The following COMMD6 variants were observed in gnomAD, a reference collection of about 807,000 sequenced individuals.
COMMD6 encodes the protein COMM domain containing 6, also known as COMM domain-containing protein 6.
Under a neutral mutation model 13.4 loss-of-function variants are expected in COMMD6, and 11 were observed. The ratio of observed to expected loss-of-function variants is 0.82; its 90% CI spans 0.52 to 1.36. The LOEUF (loss-of-function observed/expected upper bound fraction) is 1.36. COMMD6 is among the 40% of genes most tolerant of loss of function. The probability of loss-of-function intolerance (pLI) is 0.00; values close to 1 mark genes in which losing one functional copy is unlikely to be tolerated. For synonymous variants in COMMD6, 43 were observed against 36.5 expected (o/e 1.18, Z -0.64); for missense variants, 124 against 102.4 (o/e 1.21, Z -0.91).
At chr13:75,542,114 G>A (rs541035964), upstream of COMMD6, among the ~76,000 whole-genome samples, 12 of 152,282 alleles carry the variant, frequency 7.9e-5, no homozygotes, top group South Asian at 2.5e-3. Context: ...ACAGGCAGTT[G>A]CTGGGCAGAT....
intron 3 of COMMD6, among the ~76,000 whole-genome samples, chr13:75,528,559 G>A (rs1284268220): frequency 6.6e-6 from 1 of 152,156 alleles, no homozygotes; most frequent in Non-Finnish European, 1.5e-5. Flanking sequence ...TGTAATTCCA[G>A]CACTTTGGGA....
At position 75,526,526 on chromosome 13, in the gene COMMD6, G is replaced by T; in HGVS notation, c.*63C>A. The T allele has an allele frequency of 9.1e-7, 1 of 1,097,234 alleles. No individual in the cohort carries two copies. The highest frequency in any genetic ancestry group is 1.3e-6 in the Non-Finnish European group (1 of 756,754). 68.0% of individuals were successfully genotyped at this position (1,097,234 alleles called of 1,614,324 possible). ...AAATGTTCCATCCTTATTTAGTTTT[G>T]TTGCCGAAAGTGAAGTCCATGACTT... On this transcript the variant is annotated 3_prime_UTR_variant, in exon 4 of 4. Coordinates refer to ENST00000682242, the MANE Select transcript of COMMD6 (RefSeq NM_203495.4).
intron 3 of COMMD6, chr13:75,527,767 C>G (rs748006720): frequency 4.3e-6 from 6 of 1,391,738 alleles, no homozygotes; most frequent in Non-Finnish European, 5.6e-6. Context: ...AAGGCTAATA[C>G]TGCGTGATCT....
intron 1 of COMMD6, among the ~76,000 whole-genome samples, chr13:75,546,159 T>C (rs755254751): frequency 6.6e-6 from 1 of 152,182 alleles, no homozygotes; most frequent in Non-Finnish European, 1.5e-5. Flanking sequence ...TTTTAAAACA[T>C]TGACATTTAA....
In COMMD6 at chr13:75,526,575, CA is replaced by C. The variant is rs1261552285; in HGVS notation, c.*13del. 6.3e-7 allele frequency: 1 copy of C among 1,575,120 alleles called. No homozygotes were observed. Among genetic ancestry groups the C allele is most frequent in the Non-Finnish European group, 8.7e-7 (1 of 1,154,238 alleles). On this transcript the variant is annotated 3_prime_UTR_variant, in exon 4 of 4. Coordinates refer to ENST00000682242, the MANE Select transcript of COMMD6 (RefSeq NM_203495.4). ...TTTAGAATGATAGCAATTTATCAAC[CA>C]AAGAATCCGTCTTCACACCGTTTCA...
chr13:75,532,259 G>T (rs2030506172), intron 2 of COMMD6, among the ~76,000 whole-genome samples: 1 of 152,110 alleles, frequency 6.6e-6, no homozygotes, highest in African/African-American at 2.4e-5. Context: ...TCCATATTTT[G>T]TGCACTTTTT....
At chr13:75,538,083 T>C (rs1366242562), upstream of COMMD6, among the ~76,000 whole-genome samples, 1 of 152,202 alleles carries the variant, frequency 6.6e-6, no homozygotes, top group Non-Finnish European at 1.5e-5. Flanking sequence ...GCTTCCCCCA[T>C]CTAACAGTGA....
chr13:75,533,691 G>T (rs2030570489), intron 2 of COMMD6, among the ~76,000 whole-genome samples: 2 of 152,084 alleles, frequency 1.3e-5, no homozygotes, highest in African/African-American at 4.8e-5. Context: ...GGACTAAACT[G>T]ATCATATGAA....
At chr13:75,529,878 C>T in intron 3 of COMMD6, 1 of 414,250 alleles carries the variant, frequency 2.4e-6, no homozygotes, top group Non-Finnish European at 4.3e-6. Context: ...GAGAGGAGTA[C>T]TGTTCAAGCG....
upstream of COMMD6, chr13:75,538,034 T>C (rs562201134): frequency 4.4e-6 from 2 of 452,672 alleles, no homozygotes; most frequent in South Asian, 5.1e-5. Context: ...ATTTGGGAGA[T>C]ACTTTGAGAA....
intron 2 of COMMD6, among the ~76,000 whole-genome samples, chr13:75,537,210 G>A (rs2030697463): frequency 6.6e-6 from 1 of 152,136 alleles, no homozygotes; most frequent in Non-Finnish European, 1.5e-5. Flanking sequence ...AACAGAAATG[G>A]GGCTAAGATA....
chr13:75,543,430 T>C (rs1437027134), upstream of COMMD6, among the ~76,000 whole-genome samples: 1 of 152,242 alleles, frequency 6.6e-6, no homozygotes, highest in South Asian at 2.1e-4. Context: ...GTCAACATTG[T>C]GATTTTAGCC....
At chr13:75,537,390 T>C (rs1350319418) in intron 2 of COMMD6, 9 of 1,550,962 alleles carry the variant, frequency 5.8e-6, no homozygotes, top group Non-Finnish European at 7.0e-6. Flanking sequence ...ACCGTGTTCC[T>C]GGCTTCGAAT....
chr13:75,531,034 C>G (rs1301476465), intron 2 of COMMD6, among the ~76,000 whole-genome samples: 1 of 152,184 alleles, frequency 6.6e-6, no homozygotes, highest in African/African-American at 2.4e-5. Flanking sequence ...TACTGTCTGT[C>G]TTGTTTCCAA....
chr13:75,542,020 A>G (rs2030831033), upstream of COMMD6, among the ~76,000 whole-genome samples: 1 of 152,234 alleles, frequency 6.6e-6, no homozygotes, highest in Non-Finnish European at 1.5e-5. Flanking sequence ...TAATGGAAAA[A>G]TGAGGATGAT....
At chr13:75,528,784 G>A (rs980131574) in intron 3 of COMMD6, among the ~76,000 whole-genome samples, 14 of 151,788 alleles carry the variant, frequency 9.2e-5, no homozygotes, top group African/African-American at 3.4e-4. Context: ...AGAGGTTGCA[G>A]TGAGCCTAGA....
upstream of COMMD6, among the ~76,000 whole-genome samples, chr13:75,538,181 G>A (rs1004900087): frequency 2.0e-5 from 3 of 152,182 alleles, no homozygotes; most frequent in African/African-American, 4.8e-5. Flanking sequence ...GAAGGCGCTG[G>A]GCGACCGCAC....
upstream of COMMD6, among the ~76,000 whole-genome samples, chr13:75,540,453 T>C (rs138417800): frequency 1.2e-3 from 179 of 152,324 alleles, no homozygotes; most frequent in African/African-American, 4.1e-3. Flanking sequence ...TTGTTATTTC[T>C]TTGTATTTTT....
chr13:75,530,389 G>A (rs2030431108), intron 2 of COMMD6, 123 bp from the exon 3 acceptor site: 1 of 650,680 alleles, frequency 1.5e-6, no homozygotes, highest in Non-Finnish European at 2.5e-6. Flanking sequence ...TTTACATAAA[G>A]TATCTTCATT....
Sources: allele counts gnomAD v4.1 joint callset (sites outside exome capture counted in the v4.1 genomes callset), GRCh38; gene constraint gnomAD v4.1.1; transcripts MANE v1.5; gene names NCBI Gene and HGNC (gene_info 2026-07-23, HGNC 2026-07-21).